REV1: variants seen among roughly 807,000 people sequenced by gnomAD.
REV1 encodes REV1 DNA directed polymerase, also known as translesion synthesis protein REV1.
Under a neutral mutation model 137.4 loss-of-function variants are expected in REV1, and 42 were observed. That is an observed-to-expected ratio of 0.31 (90% CI 0.24 to 0.40). The LOEUF is 0.40. Ranked by LOEUF, REV1 falls within the 10% of genes least tolerant of loss-of-function variation. REV1 has a pLI of 1.00. For missense variants in REV1, 1,282 were observed against 1,490.1 expected (o/e 0.86, Z 2.30); for synonymous variants, 524 against 519.2 (o/e 1.01, Z -0.12).
chr2:99,489,481 G>A (rs1302346630), intron 1 of REV1, among the ~76,000 whole-genome samples: 1 of 148,492 alleles, frequency 6.7e-6, no homozygotes, highest in Non-Finnish European at 1.5e-5. Flanking sequence ...ATGCGGCCGG[G>A]CGCGGAGGGA....
Position 99,412,853 on chromosome 2 carries a change from C to A in REV1, c.2050G>T (p.Gly684Cys). The A allele has an allele frequency of 6.2e-7, 1 of 1,614,076 alleles. No individual in the cohort carries two copies. The highest frequency in any genetic ancestry group is 8.5e-7 in the Non-Finnish European group (1 of 1,179,972). Residue 684 changes from glycine (G) to cysteine (C), a missense_variant, in exon 13 of 23, where the codon GGT (glycine) becomes TGT (cysteine). Gly to Cys is a radical substitution (Grantham distance 159). Coordinates refer to ENST00000258428, the MANE Select transcript of REV1 (RefSeq NM_016316.4). The part of the protein sequence containing the change: ...MTMAKLQKEF[G>C]PKTGQMLYRF... ...TAAAGCATCTGACCTGTTTTGGGAC[C>A]AAATTCTTTTTGGAGTTTTGCCATG...
At chr2:99,471,155 G>C (rs1464626176) in intron 1 of REV1, among the ~76,000 whole-genome samples, 1 of 152,104 alleles carries the variant, frequency 6.6e-6, no homozygotes, top group Non-Finnish European at 1.5e-5. Flanking sequence ...TTTGCCTTTG[G>C]TGCCCTGCCA....
intron 1 of REV1, among the ~76,000 whole-genome samples, chr2:99,466,636 C>A (rs1002706801): frequency 6.6e-6 from 1 of 152,150 alleles, no homozygotes. Flanking sequence ...TTTTTACTGT[C>A]ACCCTTAAAA....
chr2:99,471,062 GCATAA>G (rs1166743057), intron 1 of REV1, among the ~76,000 whole-genome samples: 1 of 152,174 alleles, frequency 6.6e-6, no homozygotes, highest in Non-Finnish European at 1.5e-5. Context: ...CATTATAGTA[GCATAA>G]CATAATTCAT....
intron 9 of REV1, among the ~76,000 whole-genome samples, chr2:99,426,587 C>G (rs1252058257): frequency 6.6e-6 from 1 of 152,046 alleles, no homozygotes; most frequent in Non-Finnish European, 1.5e-5. Context: ...TTTGGTTTGC[C>G]TTAGGTTTGC....
intron 3 of REV1, among the ~76,000 whole-genome samples, chr2:99,451,145 G>A (rs957668453): frequency 6.6e-6 from 1 of 152,096 alleles, no homozygotes; most frequent in African/African-American, 2.4e-5. Flanking sequence ...CAAATTAAAG[G>A]CTACATTACA....
chr2:99,431,279 G>C (rs1326405905), intron 8 of REV1, among the ~76,000 whole-genome samples: 2 of 152,196 alleles, frequency 1.3e-5, no homozygotes, highest in African/African-American at 4.8e-5. Context: ...ACAGCAGAGT[G>C]TGTAATGTGA....
At chr2:99,415,611 A>G (rs967348784) in intron 12 of REV1, among the ~76,000 whole-genome samples, 5 of 152,232 alleles carry the variant, frequency 3.3e-5, no homozygotes, top group African/African-American at 1.2e-4. Context: ...AGCACTTGCC[A>G]TGTGGCCAGG....
At chr2:99,478,813 G>A (rs547003126) in intron 1 of REV1, among the ~76,000 whole-genome samples, 2 of 152,296 alleles carry the variant, frequency 1.3e-5, no homozygotes, top group South Asian at 2.1e-4. Flanking sequence ...GGGCAGGGCT[G>A]GAAATTTGCA....
intron 6 of REV1, among the ~76,000 whole-genome samples, chr2:99,438,212 A>G (rs1467916957): frequency 1.3e-5 from 2 of 152,136 alleles, no homozygotes; most frequent in African/African-American, 4.8e-5. Flanking sequence ...AAAAATCATT[A>G]TGATGCAAGC....
intron 14 of REV1, 61 bp downstream of exon 14, chr2:99,410,634 A>G (rs981094835): frequency 3.7e-5 from 52 of 1,390,382 alleles, no homozygotes; most frequent in Non-Finnish European, 4.9e-5. Context: ...TTCATTTTCT[A>G]TTACTTACAA....
At position 99,424,228 on chromosome 2, in the gene REV1, G is replaced by A; in HGVS notation, c.1600C>T (p.Pro534Ser). ...TCGTATGGAACAGCTTGAAGATTAGGACATAGTTGTTTAGCATGCCCAAAA... is the reference window on the plus strand; with the variant it reads ...TCGTATGGAACAGCTTGAAGATTAGAACATAGTTGTTTAGCATGCCCAAAA... ...MFFGHAKQLCPNLQAVPYDFH... is the reference protein window; with the variant it reads ...MFFGHAKQLCSNLQAVPYDFH... Residue 534 changes from proline (P) to serine (S), a missense_variant, in exon 10 of 23, where the codon CCT (proline) becomes TCT (serine). Physicochemically the swap from Pro to Ser is moderately conservative, Grantham distance 74. This residue lies in a region of REV1 where 372 missense variants were observed against 482.3 expected (regional missense o/e 0.77). Transcript: ENST00000258428. The A allele has an allele frequency of 6.2e-7, 1 of 1,613,852 alleles. No homozygotes were observed. Among genetic ancestry groups the A allele is most frequent in the Non-Finnish European group, 8.5e-7 (1 of 1,179,814 alleles).
intron 6 of REV1, among the ~76,000 whole-genome samples, chr2:99,437,272 T>G (rs1313628747): frequency 6.6e-6 from 1 of 152,130 alleles, no homozygotes; most frequent in African/African-American, 2.4e-5. Flanking sequence ...CATGAGCCAC[T>G]GTGCCCAGCC....
chr2:99,413,997 A>G (rs944231313), intron 12 of REV1, among the ~76,000 whole-genome samples: 3 of 152,166 alleles, frequency 2.0e-5, no homozygotes, highest in Non-Finnish European at 4.4e-5. Context: ...TATAAAATAG[A>G]AAAAAGAATT....
In REV1 at chr2:99,406,372, A is replaced by G; in HGVS notation, c.2567T>C (p.Phe856Ser). ...GGATTTCTTAGCTTTCTGAACTTGGAAGACATCACGGACAGAGTATGACCC... is the reference window on the plus strand; with the variant it reads ...GGATTTCTTAGCTTTCTGAACTTGGGAGACATCACGGACAGAGTATGACCC... ...PSGSYSVRDV[F>S]QVQKAKKSTE... The change falls in exon 16 of 23, where the codon TTC becomes TCC. Residue 856 changes from phenylalanine (F) to serine (S), a missense_variant. Around this residue, in one of 7 missense-constraint regions of REV1, gnomAD observed 372 missense variants for 482.3 expected, o/e 0.77. Transcript: ENST00000258428. 5 of 1,613,594 alleles carry G rather than the reference A, an allele frequency of 3.1e-6. No individual in the cohort carries two copies. The highest frequency in any genetic ancestry group is 4.2e-6 in the Non-Finnish European group (5 of 1,179,698).
At chr2:99,424,983 A>G (rs1357576068) in intron 9 of REV1, 4 of 975,736 alleles carry the variant, frequency 4.1e-6, no homozygotes, top group African/African-American at 1.7e-5. Context: ...CCACAAAACT[A>G]TAATTATGGA....
intron 6 of REV1, among the ~76,000 whole-genome samples, chr2:99,437,558 T>C (rs529296408): frequency 6.6e-6 from 1 of 152,300 alleles, no homozygotes; most frequent in South Asian, 2.1e-4. Flanking sequence ...CAAAATATCA[T>C]ATAAACATAA....
rs976481021 is a variant in REV1, at chr2:99,480,893, T to C, written c.-11+8924A>G. Among the ~76,000 whole-genome samples, 4 of 152,332 alleles carry C rather than the reference T, an allele frequency of 2.6e-5. No individual in the cohort carries two copies. The East Asian group carries it at 7.7e-4, about 29-fold the overall frequency. On this transcript the variant is annotated intron_variant, in intron 1 of 22. Coordinates refer to ENST00000258428, the MANE Select transcript of REV1 (RefSeq NM_016316.4). ...AAAAACATTACAACATGCTACATTC[T>C]TCAAGACACCAGAAGTCTTATTCAA...
At chr2:99,409,351 T>C (rs1005340991) in intron 14 of REV1, among the ~76,000 whole-genome samples, 18 of 152,208 alleles carry the variant, frequency 1.2e-4, no homozygotes, top group African/African-American at 4.3e-4. Context: ...GAATGCACCA[T>C]GTATGGTTGG....
Sources: allele counts gnomAD v4.1 joint callset (sites outside exome capture counted in the v4.1 genomes callset), GRCh38; gene constraint gnomAD v4.1.1; regional missense constraint gnomAD v4.1.1; transcripts MANE v1.5; gene names NCBI Gene and HGNC (gene_info 2026-07-23, HGNC 2026-07-21).